KCNQ5: variants seen among roughly 807,000 people sequenced by gnomAD.
KCNQ5 encodes potassium voltage-gated channel subfamily Q member 5.
A neutral mutation model predicts 98.2 loss-of-function variants in KCNQ5; 30 were observed. That is an observed-to-expected ratio of 0.31 (90% CI 0.23 to 0.41). The LOEUF is 0.41. KCNQ5 is among the 10% of genes least tolerant of loss of function. KCNQ5 has a pLI of 1.00. For missense variants in KCNQ5, 835 were observed against 1,182.5 expected (o/e 0.71, Z 4.31); for synonymous variants, 458 against 449.4 (o/e 1.02, Z -0.24).
At chr6:72,834,169 A>G (rs1354956190) in intron 1 of KCNQ5, among the ~76,000 whole-genome samples, 2 of 152,130 alleles carry the variant, frequency 1.3e-5, no homozygotes, top group Admixed American at 1.3e-4. Context: ...GGGGGTGGAT[A>G]CATGAGTGTT....
At chr6:72,954,566 G>A (rs1331144776) in intron 1 of KCNQ5, among the ~76,000 whole-genome samples, 2 of 145,542 alleles carry the variant, frequency 1.4e-5, no homozygotes, top group Non-Finnish European at 3.0e-5. Flanking sequence ...TGTGTGTGTT[G>A]ATAAAAACTC....
At chr6:72,945,231 A>G (rs1462164909) in intron 1 of KCNQ5, among the ~76,000 whole-genome samples, 1 of 152,148 alleles carries the variant, frequency 6.6e-6, no homozygotes, top group African/African-American at 2.4e-5. Context: ...AGGGAAAAGC[A>G]TATGCTTCTT....
intron 3 of KCNQ5, among the ~76,000 whole-genome samples, chr6:73,052,674 C>A (rs1203096397): frequency 6.6e-6 from 1 of 152,190 alleles, no homozygotes; most frequent in Non-Finnish European, 1.5e-5. Context: ...AGATTCTTTT[C>A]AGGCGAGCAA....
At chr6:72,641,160 A>T (rs1218169445) in intron 1 of KCNQ5, among the ~76,000 whole-genome samples, 1 of 152,148 alleles carries the variant, frequency 6.6e-6, no homozygotes, top group African/African-American at 2.4e-5. Flanking sequence ...GTAAGAAACA[A>T]ATTAGTATTT....
chr6:72,808,675 CG>C (rs1004807346), intron 1 of KCNQ5, among the ~76,000 whole-genome samples: 1 of 152,108 alleles, frequency 6.6e-6, no homozygotes, highest in Non-Finnish European at 1.5e-5. Flanking sequence ...CTGCCGGGCG[CG>C]GTGGCTCATG....
At chr6:72,746,371 T>A (rs1771408348) in intron 1 of KCNQ5, among the ~76,000 whole-genome samples, 1 of 152,166 alleles carries the variant, frequency 6.6e-6, no homozygotes, top group South Asian at 2.1e-4. Context: ...CCCAGTCTTC[T>A]CTTTCTCATG....
intron 8 of KCNQ5, 31 bp downstream of exon 8, chr6:73,120,608 G>A (rs969180848): frequency 1.3e-5 from 19 of 1,454,374 alleles, no homozygotes; most frequent in Non-Finnish European, 1.7e-5. Context: ...TGCCACTGTA[G>A]TTGAGTCTTT....
intron 10 of KCNQ5, among the ~76,000 whole-genome samples, chr6:73,149,353 T>G (rs1777051128): frequency 1.3e-5 from 2 of 152,198 alleles, no homozygotes; most frequent in African/African-American, 4.8e-5. Flanking sequence ...TACCTGGTTT[T>G]AAAGGTCAAG....
rs548923385 is a variant in KCNQ5, at chr6:72,847,717, A to G, written c.399-156191A>G. ...AAGTACTAGCTAATGGCAGCTTGCC[A>G]TTATGTATATGACCAACCACTTGTA... On this transcript the variant is annotated intron_variant, in intron 1 of 13. Coordinates refer to ENST00000370398, the MANE Select transcript of KCNQ5 (RefSeq NM_019842.4). Among the ~76,000 whole-genome samples, 6 of 152,296 alleles carry G rather than the reference A, an allele frequency of 3.9e-5. No homozygotes were observed. In the East Asian group the frequency reaches 7.7e-4, roughly 20 times the overall value.
chr6:73,099,472 A>G (rs1378482986), intron 5 of KCNQ5, among the ~76,000 whole-genome samples: 2 of 152,218 alleles, frequency 1.3e-5, no homozygotes, highest in African/African-American at 2.4e-5. Flanking sequence ...ATTGAAAATA[A>G]AGGGATAAAA....
At chr6:72,822,581 G>A (rs1775809037) in intron 1 of KCNQ5, among the ~76,000 whole-genome samples, 1 of 152,052 alleles carries the variant, frequency 6.6e-6, no homozygotes, top group South Asian at 2.1e-4. Context: ...GAACTTTTGG[G>A]TGCTTCTGTC....
chr6:73,018,570 TAC>T (rs1220417915), intron 2 of KCNQ5, among the ~76,000 whole-genome samples: 4 of 152,128 alleles, frequency 2.6e-5, no homozygotes, highest in African/African-American at 9.7e-5. Flanking sequence ...ACTAAGGACC[TAC>T]CAGGTATGCT....
rs114631709 is a variant in KCNQ5, at chr6:72,976,490, T to G, written c.399-27418T>G. ...CATTAATTTCTTGAGAAGATAACTT[T>G]AAAAGGAACACTCACATGGATTTTA... On this transcript the variant is annotated intron_variant, in intron 1 of 13. Coordinates refer to ENST00000370398, the MANE Select transcript of KCNQ5 (RefSeq NM_019842.4). Among the ~76,000 whole-genome samples the G allele has an allele frequency of 8.6e-3, 1,307 of 152,338 alleles. 11 individuals carry two copies. Among genetic ancestry groups the G allele is most frequent in the African/African-American group, 0.03 (1,245 of 41,556 alleles).
intron 1 of KCNQ5, among the ~76,000 whole-genome samples, chr6:72,962,218 C>T (rs75051765): frequency 3.7e-4 from 51 of 137,850 alleles, no homozygotes; most frequent in African/African-American, 1.3e-3. Flanking sequence ...TATATATATA[C>T]ACACATATAT....
chr6:73,165,929 C>T (rs565275639), intron 10 of KCNQ5, among the ~76,000 whole-genome samples: 9 of 147,644 alleles, frequency 6.1e-5, no homozygotes, highest in East Asian at 2.0e-4. Context: ...TGGGTGACTC[C>T]GTCTCAAAAA....
intron 1 of KCNQ5, among the ~76,000 whole-genome samples, chr6:72,704,637 T>TAA (rs75954842): frequency 0.029 from 4,332 of 150,238 alleles, 130 homozygotes; most frequent in African/African-American, 0.079. Flanking sequence ...TTATAAATGA[T>TAA]AAAAAAAAAA....
chr6:73,102,838 C>T (rs1379555964), intron 5 of KCNQ5, among the ~76,000 whole-genome samples: 4 of 152,148 alleles, frequency 2.6e-5, no homozygotes, highest in Non-Finnish European at 5.9e-5. Flanking sequence ...AACCATTGTA[C>T]ACTGTTGGTG....
At chr6:72,698,556 A>G (rs181118051) in intron 1 of KCNQ5, among the ~76,000 whole-genome samples, 2 of 151,626 alleles carry the variant, frequency 1.3e-5, no homozygotes, top group Admixed American at 6.6e-5. Context: ...TCTGGTCATT[A>G]TATGAACATG....
chr6:73,130,957 A>C (rs543737262), intron 9 of KCNQ5, among the ~76,000 whole-genome samples: 1 of 152,306 alleles, frequency 6.6e-6, no homozygotes, highest in East Asian at 1.9e-4. Flanking sequence ...ATTCTTGGGA[A>C]TCTTTAAAAT....
Sources: allele counts gnomAD v4.1 joint callset (sites outside exome capture counted in the v4.1 genomes callset), GRCh38; gene constraint gnomAD v4.1.1; transcripts MANE v1.5; gene names NCBI Gene and HGNC (gene_info 2026-07-23, HGNC 2026-07-21).